The following ANKRD26 variants were observed in gnomAD, a reference collection of about 807,000 sequenced individuals.
ANKRD26 encodes ankyrin repeat domain-containing protein 26.
ANKRD26 carries 141 observed loss-of-function variants against 208.7 expected under a neutral mutation model. The observed-to-expected ratio is 0.68, with a 90% CI of 0.59 to 0.78. The LOEUF is 0.78. Among genes scored for constraint, ANKRD26 ranks in the 30% least tolerant of loss-of-function variants. The pLI is 0.00. For missense variants in ANKRD26, 1,889 were observed against 1,938.7 expected, an observed-to-expected ratio of 0.97 and a Z score of 0.48; for synonymous variants, 636 against 660.4, an observed-to-expected ratio of 0.96 and a Z score of 0.57.
At position 27,051,030 on chromosome 10, in the gene ANKRD26, AC is replaced by A. The variant is rs774073338; in HGVS notation, c.1636-2052del. On this transcript the variant is annotated intron_variant, in intron 16 of 33. Coordinates refer to ENST00000376087, the MANE Select transcript of ANKRD26 (RefSeq NM_014915.3). ...GATCAAATAATTGATAGAGAAAAAA[AC>A]AAAGAGTAGCAGCAAGCAAACCTCT... 2.2e-5 allele frequency: 26 copies of A among 1,199,010 alleles called. No individual in the cohort carries two copies. In the South Asian group the frequency reaches 3.9e-4, roughly 18 times the overall value. 74.3% of individuals were successfully genotyped at this position (1,199,010 alleles called of 1,614,324 possible).
Position 27,079,078 on chromosome 10 carries a change from G to A in ANKRD26, c.813+11C>T, listed in dbSNP as rs762560422. The stretch of plus-strand genomic sequence containing the variant: ...GAGTAAGAAAATTAAGTTCATGAGA[G>A]AGCACTTTACCTTAGTATCAAAATT... On this transcript the variant is annotated intron_variant, in intron 7 of 33. Transcript: ENST00000376087. The A allele has an allele frequency of 6.2e-7, 1 of 1,605,752 alleles. No individual in the cohort carries two copies. The highest frequency in any genetic ancestry group is 1.1e-5 in the South Asian group (1 of 90,858).
At chr10:27,015,865 T>G (rs559595226) in intron 30 of ANKRD26, among the ~76,000 whole-genome samples, 2 of 152,208 alleles carry the variant, frequency 1.3e-5, no homozygotes, top group East Asian at 3.9e-4. Flanking sequence ...AATTATTGAG[T>G]TTTAATCACT....
At chr10:27,066,869 G>A (rs180734871) in intron 10 of ANKRD26, among the ~76,000 whole-genome samples, 8 of 151,626 alleles carry the variant, frequency 5.3e-5, no homozygotes, top group South Asian at 2.1e-4. Flanking sequence ...GTGCAGTGGC[G>A]CAATCTCAGC....
chr10:27,020,680 CAG>C (rs1280130140), intron 29 of ANKRD26, among the ~76,000 whole-genome samples: 1 of 152,068 alleles, frequency 6.6e-6, no homozygotes, highest in Non-Finnish European at 1.5e-5. Context: ...TTTTTTGAGA[CAG>C]AGTTTCACTC....
chr10:27,091,553 C>T (rs2056300302), intron 4 of ANKRD26, among the ~76,000 whole-genome samples: 1 of 152,180 alleles, frequency 6.6e-6, no homozygotes. Context: ...AACATCCGTA[C>T]TCTTCAAAGA....
At chr10:27,034,583 A>T (rs1483529083) in intron 24 of ANKRD26, among the ~76,000 whole-genome samples, 1 of 152,208 alleles carries the variant, frequency 6.6e-6, no homozygotes, top group Admixed American at 6.5e-5. Context: ...AACAATTCAT[A>T]ACTTAAAACT....
intron 23 of ANKRD26, among the ~76,000 whole-genome samples, 156 bp downstream of exon 23, chr10:27,037,030 T>C (rs2054066810): frequency 1.3e-5 from 2 of 152,150 alleles, no homozygotes; most frequent in Admixed American, 6.5e-5. Context: ...CTTTATCCAA[T>C]GGACCAAAAA....
chr10:26,984,438 C>T (rs1363228400), intron 3 of ANKRD26, among the ~76,000 whole-genome samples: 1 of 152,158 alleles, frequency 6.6e-6, no homozygotes, highest in East Asian at 1.9e-4. Context: ...TAAGTCTATA[C>T]CCCCTAATTG....
Position 27,033,327 on chromosome 10 carries a change from T to C in ANKRD26, c.3705A>G (p.Gln1235=), listed in dbSNP as rs199524104. The stretch of plus-strand genomic sequence containing the variant: ...CCTCCAGTGAAGCCTCTGACATAGA[T>C]TGTTTTTTTAGGGTATCAGCTAGTT... The part of the protein sequence containing the change: ...QQELADTLKK[Q]SMSEASLEVT... The change falls in exon 25 of 34, where the codon CAA becomes CAG. Residue 1235 remains glutamine (Q), a synonymous_variant. Transcript: ENST00000376087. 9.7e-5 allele frequency: 157 copies of C among 1,612,156 alleles called. No individual in the cohort carries two copies. Among genetic ancestry groups the C allele is most frequent in the Non-Finnish European group, 1.2e-4 (143 of 1,178,752 alleles).
chr10:26,989,092 A>AT (rs983246680), downstream of ANKRD26, among the ~76,000 whole-genome samples: 16 of 150,926 alleles, frequency 1.1e-4, no homozygotes, highest in East Asian at 1.9e-4. Flanking sequence ...CGGGCAAGAT[A>AT]TTTTTTTTTC....
chr10:27,053,742 C>T (rs1413059994), intron 15 of ANKRD26, among the ~76,000 whole-genome samples: 4 of 152,176 alleles, frequency 2.6e-5, no homozygotes, highest in African/African-American at 4.8e-5. Flanking sequence ...TCAACCCATA[C>T]AAACATCTCA....
chr10:27,086,768 G>GTTTTTTTTTTTT (rs36035101), intron 4 of ANKRD26, among the ~76,000 whole-genome samples, 159 bp from the exon 5 acceptor site: 1 of 97,016 alleles, frequency 1.0e-5, no homozygotes, highest in African/African-American at 3.8e-5. Flanking sequence ...AAACTTTTTT[G>GTTTTTTTTTTTT]TTTTTTTTTT....
In ANKRD26 at chr10:27,061,362, A is replaced by T. The variant is rs11015498; in HGVS notation, c.1364-120T>A. The T allele has an allele frequency of 0.07, 43,311 of 622,350 alleles. 1,695 individuals carry two copies. The highest frequency in any genetic ancestry group is 0.13 in the African/African-American group (7,065 of 53,982). 38.6% of individuals were successfully genotyped at this position (622,350 alleles called of 1,614,324 possible). The stretch of plus-strand genomic sequence containing the variant: ...TATTTCAAAATTAGTGCAGTTTTTT[A>T]AAATCAATGCAGTGTTTATTTAAAA... On this transcript the variant is annotated intron_variant, in intron 12 of 33. Transcript: ENST00000376087.
intron 4 of ANKRD26, chr10:26,995,285 C>T (rs191321885): frequency 3.6e-4 from 152 of 420,802 alleles, no homozygotes; most frequent in African/African-American, 2.3e-3. Context: ...CAAGAGAATG[C>T]GGTACACAAA....
rs1319916526 is a variant in ANKRD26, at chr10:27,093,680, T to C, written c.357+5A>G. ...CTGATGCTGAAAGAGCTGGCTACTA[T>C]ATACCTTCATCAGAGCTGTCCTGTT... On this transcript the variant is annotated splice_donor_5th_base_variant and intron_variant, in intron 2 of 33. Coordinates refer to ENST00000376087, the MANE Select transcript of ANKRD26 (RefSeq NM_014915.3). 2 of 1,612,884 alleles carry C rather than the reference T, an allele frequency of 1.2e-6. No individual in the cohort carries two copies. Among genetic ancestry groups the C allele is most frequent in the East Asian group, 2.2e-5 (1 of 44,876 alleles).
At chr10:26,989,697 T>C (rs1197585), downstream of ANKRD26, among the ~76,000 whole-genome samples, 3,973 of 152,230 alleles carry the variant, frequency 0.026, 66 homozygotes, top group Non-Finnish European at 0.04. Flanking sequence ...CCTTTTCCCA[T>C]CTTCCTGATG....
intron 6 of ANKRD26, among the ~76,000 whole-genome samples, 183 bp from the exon 7 acceptor site, chr10:27,079,344 A>G (rs1417442418): frequency 3.3e-5 from 5 of 152,206 alleles, no homozygotes; most frequent in Non-Finnish European, 7.3e-5. Flanking sequence ...TTTTTGAAAA[A>G]TATTTTAGTT....
intron 12 of ANKRD26, among the ~76,000 whole-genome samples, chr10:27,062,956 C>T (rs1233765691): frequency 2.6e-5 from 4 of 151,994 alleles, no homozygotes; most frequent in Admixed American, 1.3e-4. Flanking sequence ...TTAGTAGAGA[C>T]GGGGTTTCAC....
downstream of ANKRD26, among the ~76,000 whole-genome samples, chr10:26,987,438 G>A (rs1233679685): frequency 6.6e-6 from 1 of 152,140 alleles, no homozygotes; most frequent in Non-Finnish European, 1.5e-5. Flanking sequence ...TCAGCCACTT[G>A]AGGTGATCTG....
Sources: allele counts gnomAD v4.1 joint callset (sites outside exome capture counted in the v4.1 genomes callset), GRCh38; gene constraint gnomAD v4.1.1; transcripts MANE v1.5; gene names NCBI Gene and HGNC (gene_info 2026-07-23, HGNC 2026-07-21).